The following VWA2 variants were observed in gnomAD, a reference collection of about 807,000 sequenced individuals.
VWA2 encodes the protein von Willebrand factor A domain-containing protein 2.
Under a neutral mutation model 70.4 loss-of-function variants are expected in VWA2, and 73 were observed. The observed-to-expected ratio is 1.04, with a 90% CI of 0.86 to 1.26. VWA2 has a LOEUF of 1.26. VWA2 is among the 50% of genes most tolerant of loss of function. The probability of loss-of-function intolerance (pLI) is 0.00; values close to 1 mark genes in which losing one functional copy is unlikely to be tolerated. For missense variants in VWA2, 1,011 were observed against 998.5 expected, an observed-to-expected ratio of 1.01 and a Z score of -0.17; for synonymous variants, 407 against 423.3, an observed-to-expected ratio of 0.96 and a Z score of 0.47.
intron 6 of VWA2, among the ~76,000 whole-genome samples, chr10:114,274,903 A>C (rs1426239756): frequency 2.6e-5 from 4 of 152,160 alleles, no homozygotes; most frequent in Non-Finnish European, 5.9e-5. Context: ...CAGAGTGAAT[A>C]GTGGTGCCAT....
chr10:114,271,140 G>T (rs2037698872), intron 5 of VWA2, among the ~76,000 whole-genome samples: 1 of 152,016 alleles, frequency 6.6e-6, no homozygotes, highest in East Asian at 1.9e-4. Flanking sequence ...GTTCTTTAAG[G>T]GATGGGATCG....
intron 6 of VWA2, among the ~76,000 whole-genome samples, chr10:114,276,552 G>T (rs2037846998): frequency 6.6e-6 from 1 of 152,146 alleles, no homozygotes; most frequent in South Asian, 2.1e-4. Flanking sequence ...AGGCTGGAAT[G>T]CAGTGGCACG....
At chr10:114,290,703 G>GT (rs1317899275) in intron 13 of VWA2, among the ~76,000 whole-genome samples, 2 of 148,098 alleles carry the variant, frequency 1.4e-5, no homozygotes, top group African/African-American at 5.1e-5. Context: ...GGAGGCCACA[G>GT]TTAGGAGCAC....
Position 114,293,104 on chromosome 10 carries a change from C to T in VWA2, c.*1867C>T, listed in dbSNP as rs188102281. On this transcript the variant is annotated 3_prime_UTR_variant, in exon 14 of 14. Coordinates refer to ENST00000392982, the MANE Select transcript of VWA2 (RefSeq NM_001272046.2). ...TTCAGGATTTCTGGTGCTAGAAAAG[C>T]GCTTGAAGCAGTATCACCAAGATTT... is the stretch of plus-strand genomic sequence containing the variant. Among the ~76,000 whole-genome samples, 5 of 152,270 alleles carry T rather than the reference C, an allele frequency of 3.3e-5. No homozygotes were observed.
At position 114,291,528 on chromosome 10, in the gene VWA2, T is replaced by C; in HGVS notation, c.*291T>C. ...CACTTTCTGTACCTGCTGTGCCTTG[T>C]TGAGGCTATGTCATCTGCCACCTTT... On this transcript the variant is annotated 3_prime_UTR_variant, in exon 14 of 14. Transcript: ENST00000392982. 2.5e-6 allele frequency: 1 copy of C among 404,518 alleles called. No homozygotes were observed. The allele number at this position is 404,518 out of a possible 1,614,324, so 25.1% of individuals were successfully genotyped here.
At position 114,240,145 on chromosome 10, in the gene VWA2, C is replaced by T. The variant is rs367858030; in HGVS notation, c.-11+576C>T. On this transcript the variant is annotated intron_variant, in intron 1 of 13. Transcript: ENST00000392982. Reference sequence around the variant, plus strand: ...AGAACCTGAGAGGGGCCGGCTGCCCCGAGAGTCCTCGCGCTTGGGCAGTGG... The same window carrying T: ...AGAACCTGAGAGGGGCCGGCTGCCCTGAGAGTCCTCGCGCTTGGGCAGTGG... 9.8e-4 allele frequency among the ~76,000 whole-genome samples: 149 copies of T among 152,334 alleles called. 1 individual carries two copies. The highest frequency in any genetic ancestry group is 3.4e-3 in the African/African-American group (143 of 41,578).
chr10:114,272,406 A>G (rs1039247254), intron 5 of VWA2, among the ~76,000 whole-genome samples: 1 of 152,208 alleles, frequency 6.6e-6, no homozygotes, highest in Non-Finnish European at 1.5e-5. Flanking sequence ...AAGATGATGC[A>G]GGGATGAGGA....
At chr10:114,245,536 A>G (rs539506871) in intron 1 of VWA2, among the ~76,000 whole-genome samples, 1 of 152,126 alleles carries the variant, frequency 6.6e-6, no homozygotes, top group East Asian at 1.9e-4. Flanking sequence ...CGCATCCTCA[A>G]TGCCTCGCCA....
chr10:114,264,704 C>G (rs1316472521), intron 5 of VWA2, among the ~76,000 whole-genome samples: 1 of 150,170 alleles, frequency 6.7e-6, no homozygotes, highest in Non-Finnish European at 1.5e-5. Flanking sequence ...CAGGCGTGAG[C>G]CACTGTGCTC....
At chr10:114,282,429 A>G (rs1698033978) in intron 8 of VWA2, 87 bp from the exon 9 acceptor site, 2 of 1,060,674 alleles carry the variant, frequency 1.9e-6, no homozygotes, top group Non-Finnish European at 1.5e-6. Context: ...ATCTTCTATC[A>G]GCTTTTGGTG....
At chr10:114,290,866 G>A (rs2039523335) in intron 13 of VWA2, among the ~76,000 whole-genome samples, 2 of 152,160 alleles carry the variant, frequency 1.3e-5, no homozygotes. Flanking sequence ...AGGTTTGAGA[G>A]AAAAGAAGTC....
intron 1 of VWA2, among the ~76,000 whole-genome samples, chr10:114,242,417 T>C (rs538041012): frequency 2.0e-4 from 31 of 152,264 alleles, no homozygotes; most frequent in Admixed American, 2.6e-4. Context: ...GCATGCCTCA[T>C]AGTACCAGGT....
chr10:114,266,063 C>T (rs1285838613), intron 5 of VWA2, among the ~76,000 whole-genome samples: 1 of 151,966 alleles, frequency 6.6e-6, no homozygotes, highest in African/African-American at 2.4e-5. Flanking sequence ...TTTGGGAGGC[C>T]GAGGTGGGCA....
chr10:114,246,750 G>T lies in VWA2; in HGVS notation c.-10-1954G>T. ...GCAGGGGGAGAAATCCTTGAACCAG[G>T]GCTGCTGTATAACCTTTCAGGAACA... On this transcript the variant is annotated intron_variant, in intron 1 of 13. Coordinates refer to ENST00000392982, the MANE Select transcript of VWA2 (RefSeq NM_001272046.2). 6 of 1,451,458 alleles carry T rather than the reference G, an allele frequency of 4.1e-6. No individual in the cohort carries two copies. In the South Asian group the frequency reaches 5.7e-5, roughly 14 times the overall value. 89.9% of individuals were successfully genotyped at this position (1,451,458 alleles called of 1,614,324 possible).
chr10:114,287,355 AT>A (rs1250994526), intron 11 of VWA2, among the ~76,000 whole-genome samples: 14 of 152,016 alleles, frequency 9.2e-5, no homozygotes, highest in Admixed American at 7.9e-4. Flanking sequence ...TAATTGTTTT[AT>A]TTTTTAGAGA....
At chr10:114,242,164 T>G (rs2036984195) in intron 1 of VWA2, among the ~76,000 whole-genome samples, 1 of 152,160 alleles carries the variant, frequency 6.6e-6, no homozygotes, top group Admixed American at 6.5e-5. Context: ...ATCATGAGTC[T>G]CTTCTCTTGA....
chr10:114,284,480 T>C (rs2038597680), intron 9 of VWA2, among the ~76,000 whole-genome samples: 1 of 152,206 alleles, frequency 6.6e-6, no homozygotes, highest in Non-Finnish European at 1.5e-5. Context: ...CTGTGCCAGG[T>C]GCAGAGGCCA....
chr10:114,277,929 T>C lies in VWA2; in HGVS notation c.582T>C (p.His194=). The change falls in exon 7 of 14, where the codon CAT becomes CAC. Residue 194 remains histidine (H), a synonymous_variant. Transcript: ENST00000392982. ...GVRFPRWEEL[H]ALASEPRGQH... ...CTTGGCACAGGTGGGAGGAGCTGCATGCACTGGCCAGCGAGCCTAGAGGGC... is the reference window on the plus strand; with the variant it reads ...CTTGGCACAGGTGGGAGGAGCTGCACGCACTGGCCAGCGAGCCTAGAGGGC... 1 of 1,609,608 alleles carries C rather than the reference T, an allele frequency of 6.2e-7. No homozygotes were observed. Among genetic ancestry groups the C allele is most frequent in the East Asian group, 2.2e-5 (1 of 44,752 alleles).
chr10:114,239,790 A>C (rs1488127820), intron 1 of VWA2, among the ~76,000 whole-genome samples: 1 of 152,022 alleles, frequency 6.6e-6, no homozygotes, highest in Non-Finnish European at 1.5e-5. Context: ...GGAAGAGCGC[A>C]CCTGGCGCGC....
Sources: allele counts gnomAD v4.1 joint callset (sites outside exome capture counted in the v4.1 genomes callset), GRCh38; gene constraint gnomAD v4.1.1; transcripts MANE v1.5; gene names NCBI Gene and HGNC (gene_info 2026-07-23, HGNC 2026-07-21).